The following PPM1L variants were observed in gnomAD, a reference collection of about 807,000 sequenced individuals.
The protein encoded by PPM1L is protein phosphatase, Mg2+/Mn2+ dependent 1L.
A neutral mutation model predicts 31.4 loss-of-function variants in PPM1L; 13 were observed. The observed-to-expected ratio is 0.41, with a 90% CI of 0.27 to 0.66. The LOEUF is 0.66. Among genes scored for constraint, PPM1L ranks in the 30% least tolerant of loss-of-function variants. PPM1L has a pLI of 0.29. For missense variants in PPM1L, 326 were observed against 453.7 expected, an observed-to-expected ratio of 0.72 and a Z score of 2.56; for synonymous variants, 184 against 175.4, an observed-to-expected ratio of 1.05 and a Z score of -0.39.
At chr3:160,767,056 C>T (rs139415720) in intron 1 of PPM1L, among the ~76,000 whole-genome samples, 1 of 152,224 alleles carries the variant, frequency 6.6e-6, no homozygotes, top group East Asian at 1.9e-4. Flanking sequence ...CCAAGCTAGG[C>T]ATCTATGGGT....
chr3:161,048,484 A>T (rs1326291600), intron 2 of PPM1L, among the ~76,000 whole-genome samples: 1 of 152,186 alleles, frequency 6.6e-6, no homozygotes, highest in Non-Finnish European at 1.5e-5. Flanking sequence ...TGTTGGTGGG[A>T]CTGTAAACTA....
At chr3:161,006,081 A>G (rs1363452780) in intron 2 of PPM1L, among the ~76,000 whole-genome samples, 1 of 152,246 alleles carries the variant, frequency 6.6e-6, no homozygotes, top group Non-Finnish European at 1.5e-5. Context: ...AGCATTATTC[A>G]CAAGAGCCAT....
intron 1 of PPM1L, among the ~76,000 whole-genome samples, chr3:160,885,680 G>A (rs146707553): frequency 2.0e-5 from 3 of 152,352 alleles, no homozygotes; most frequent in African/African-American, 7.2e-5. Flanking sequence ...CTACCTAGCC[G>A]GGGAAACTGA....
chr3:161,050,904 C>T (rs1430684368), intron 2 of PPM1L, among the ~76,000 whole-genome samples: 1 of 152,152 alleles, frequency 6.6e-6, no homozygotes, highest in Non-Finnish European at 1.5e-5. Flanking sequence ...AGAGCATAAA[C>T]AAGTATTTTT....
At chr3:160,976,963 G>A (rs1257212101) in intron 2 of PPM1L, among the ~76,000 whole-genome samples, 1 of 152,140 alleles carries the variant, frequency 6.6e-6, no homozygotes, top group African/African-American at 2.4e-5. Flanking sequence ...TAATTGTGAT[G>A]TTAGGGTGTC....
At chr3:160,945,638 G>A (rs574544177) in intron 1 of PPM1L, among the ~76,000 whole-genome samples, 1 of 152,226 alleles carries the variant, frequency 6.6e-6, no homozygotes, top group South Asian at 2.1e-4. Flanking sequence ...GAAACTCAGA[G>A]TTACTTTTTA....
At chr3:160,873,667 C>G (rs1398017188) in intron 1 of PPM1L, among the ~76,000 whole-genome samples, 1 of 152,054 alleles carries the variant, frequency 6.6e-6, no homozygotes, top group Non-Finnish European at 1.5e-5. Context: ...CCTGCCTCAG[C>G]CTCCTGAGAA....
intron 2 of PPM1L, among the ~76,000 whole-genome samples, chr3:160,977,889 C>T (rs1377170397): frequency 6.6e-6 from 1 of 152,186 alleles, no homozygotes; most frequent in Non-Finnish European, 1.5e-5. Flanking sequence ...GAGACAACTT[C>T]TCTTTTGGCA....
At chr3:160,899,171 T>C (rs1050873626) in intron 1 of PPM1L, among the ~76,000 whole-genome samples, 3 of 152,116 alleles carry the variant, frequency 2.0e-5, no homozygotes, top group East Asian at 1.9e-4. Flanking sequence ...ATCACACAGG[T>C]AGAAAATGGC....
chr3:160,983,822 A>G (rs1291328509), intron 2 of PPM1L, among the ~76,000 whole-genome samples: 1 of 152,132 alleles, frequency 6.6e-6, no homozygotes, highest in African/African-American at 2.4e-5. Context: ...TCCGGGGGAG[A>G]CATCACATGT....
chr3:160,849,748 T>A (rs1714204646), intron 1 of PPM1L, among the ~76,000 whole-genome samples: 2 of 151,654 alleles, frequency 1.3e-5, no homozygotes, highest in South Asian at 4.2e-4. Flanking sequence ...GTATTTTTAG[T>A]AGAGATGGAA....
intron 1 of PPM1L, among the ~76,000 whole-genome samples, chr3:160,773,598 G>A (rs982761855): frequency 1.3e-5 from 2 of 152,158 alleles, no homozygotes; most frequent in Non-Finnish European, 2.9e-5. Flanking sequence ...TTAAAGCCTT[G>A]TTTCCTTATA....
chr3:161,032,184 A>T (rs190176073), intron 2 of PPM1L, among the ~76,000 whole-genome samples: 143 of 152,308 alleles, frequency 9.4e-4, no homozygotes, highest in Admixed American at 2.6e-3. Context: ...TTTTCCTGTA[A>T]GTGGCAGCAT....
chr3:160,794,694 T>A (rs138650521), intron 1 of PPM1L, among the ~76,000 whole-genome samples: 1,910 of 152,204 alleles, frequency 0.013, 15 homozygotes, highest in Non-Finnish European at 0.021. Flanking sequence ...GGGTGTCCAA[T>A]CTTTTGGCTT....
chr3:160,835,089 CTTTTTTCT>C (rs1418380193), intron 1 of PPM1L, among the ~76,000 whole-genome samples: 38 of 60,776 alleles, frequency 6.3e-4, no homozygotes, highest in African/African-American at 3.9e-3. Flanking sequence ...CTTCTTCTTT[CTTTTTTCT>C]TTCTTCTTTC....
At chr3:160,929,233 T>C (rs992522894) in intron 1 of PPM1L, among the ~76,000 whole-genome samples, 1 of 152,194 alleles carries the variant, frequency 6.6e-6, no homozygotes, top group African/African-American at 2.4e-5. Context: ...AATGAAAACT[T>C]GGGTGGTCCT....
intron 1 of PPM1L, among the ~76,000 whole-genome samples, chr3:160,870,256 C>A (rs1052419541): frequency 6.6e-6 from 1 of 152,178 alleles, no homozygotes; most frequent in Non-Finnish European, 1.5e-5. Context: ...AGTTGTCCCA[C>A]CCACTCTCCG....
At position 160,903,486 on chromosome 3, in the gene PPM1L, T is replaced by A. The variant is rs1713635219; in HGVS notation, c.400-58250T>A. Among the ~76,000 whole-genome samples the A allele has an allele frequency of 1.3e-5, 2 of 152,140 alleles. 1 individual carries two copies. Among genetic ancestry groups the A allele is most frequent in the African/African-American group, 4.8e-5 (2 of 41,434 alleles). On this transcript the variant is annotated intron_variant, in intron 1 of 3. Transcript: ENST00000498165. ...TAAAATCATCTGATTGTGATATTGATCACATTCTCAAAATACCTTAAAAGC... is the reference window on the plus strand; with the variant it reads ...TAAAATCATCTGATTGTGATATTGAACACATTCTCAAAATACCTTAAAAGC...
intron 2 of PPM1L, among the ~76,000 whole-genome samples, chr3:161,008,190 G>T (rs984634706): frequency 2.6e-5 from 4 of 152,218 alleles, no homozygotes; most frequent in Middle Eastern, 3.4e-3. Flanking sequence ...GTAAAAACTG[G>T]CCCTAAAGGA....
Sources: gnomAD v4.1 joint callset for allele counts (sites outside exome capture counted in the v4.1 genomes callset) on GRCh38, gnomAD v4.1.1 for gene constraint, MANE v1.5 for transcripts, NCBI Gene and HGNC (gene_info 2026-07-23, HGNC 2026-07-21) for gene names.